The following BATF3 variants were observed in gnomAD, a reference collection of about 807,000 sequenced individuals.
The protein encoded by BATF3 is basic leucine zipper transcriptional factor ATF-like 3.
A neutral mutation model predicts 16.1 loss-of-function variants in BATF3; 8 were observed. The ratio of observed to expected loss-of-function variants is 0.50; its 90% confidence interval spans 0.29 to 0.90. BATF3 has a LOEUF of 0.90. Ranked by LOEUF, BATF3 falls within the 40% of genes least tolerant of loss-of-function variation. BATF3 has a pLI of 0.08. For missense variants in BATF3, 139 were observed against 167.0 expected, an observed-to-expected ratio of 0.83 and a Z score of 0.92; for synonymous variants, 74 against 72.7, an observed-to-expected ratio of 1.02 and a Z score of -0.09.
At chr1:212,692,776 C>T (rs1280974764) in intron 2 of BATF3, among the ~76,000 whole-genome samples, 5 of 152,174 alleles carry the variant, frequency 3.3e-5, no homozygotes, top group Non-Finnish European at 7.3e-5. Context: ...TCCAAATATC[C>T]CCCCTCAGGA....
At chr1:212,694,038 G>A (rs1455147741) in intron 2 of BATF3, among the ~76,000 whole-genome samples, 1 of 152,240 alleles carries the variant, frequency 6.6e-6, no homozygotes, top group African/African-American at 2.4e-5. Flanking sequence ...GTAAGTGAAA[G>A]AGGGTGTCGG....
intron 2 of BATF3, among the ~76,000 whole-genome samples, chr1:212,688,277 C>G (rs1407345521): frequency 3.3e-5 from 5 of 152,166 alleles, no homozygotes; most frequent in Non-Finnish European, 7.3e-5. Flanking sequence ...GGACCCTCAC[C>G]AACACACACT....
chr1:212,696,323 C>T (rs905998209), intron 2 of BATF3, among the ~76,000 whole-genome samples: 2 of 151,912 alleles, frequency 1.3e-5, no homozygotes, highest in Non-Finnish European at 2.9e-5. Flanking sequence ...TCCAAAGTGT[C>T]GAATGTTCTA....
chr1:212,696,925 T>C (rs1242180026), intron 2 of BATF3, 36 bp downstream of exon 2: 1 of 1,520,732 alleles, frequency 6.6e-7, no homozygotes, highest in African/African-American at 1.4e-5. Context: ...AGAGGCTGTG[T>C]GGCTCTAAGG....
Position 212,699,305 on chromosome 1 carries a change from G to A in BATF3, c.90+368C>T, listed in dbSNP as rs906670004. Among the ~76,000 whole-genome samples the A allele has an allele frequency of 6.6e-5, 10 of 152,166 alleles. No homozygotes were observed. In the South Asian group the frequency reaches 1.0e-3, roughly 16 times the overall value. On this transcript the variant is annotated intron_variant, in intron 1 of 2. Transcript: ENST00000243440. This position sits in a 1 kb window ranked among gnomAD's most constrained non-coding sequence, Gnocchi z 4.4. ...GGAGGGGCTACAGGCGCGGGTGGTG[G>A]GGTGGCAGTCGCTGGCTGCGCCAGG...
chr1:212,696,839 C>G, intron 2 of BATF3, 122 bp downstream of exon 2: 1 of 745,746 alleles, frequency 1.3e-6, no homozygotes, highest in South Asian at 1.7e-5. Flanking sequence ...CTGGAAGGAC[C>G]TGGCAGAAAT....
In BATF3 at chr1:212,689,122, A is replaced by G. The variant is rs1375064321; in HGVS notation, c.196-2143T>C. Among the ~76,000 whole-genome samples the G allele has an allele frequency of 6.6e-6, 1 of 152,084 alleles. No individual in the cohort carries two copies. The highest frequency in any genetic ancestry group is 1.5e-5 in the Non-Finnish European group (1 of 68,008). On this transcript the variant is annotated intron_variant, in intron 2 of 2. Transcript: ENST00000243440. This position sits in a 1 kb window ranked among gnomAD's most constrained non-coding sequence, Gnocchi z 4.6. ...TCTATTCTATTTTGTATCATATTCAATTTCACTCATATGAAGTAATGTCTC... is the reference window on the plus strand; with the variant it reads ...TCTATTCTATTTTGTATCATATTCAGTTTCACTCATATGAAGTAATGTCTC...
Position 212,699,302 on chromosome 1 carries a change from G to A in BATF3, c.90+371C>T, listed in dbSNP as rs1174840769. On this transcript the variant is annotated intron_variant, in intron 1 of 2. Coordinates refer to ENST00000243440, the MANE Select transcript of BATF3 (RefSeq NM_018664.3). This position sits in a 1 kb window ranked among gnomAD's most constrained non-coding sequence, Gnocchi z 4.4. The stretch of plus-strand genomic sequence containing the variant: ...CCTGGAGGGGCTACAGGCGCGGGTG[G>A]TGGGGTGGCAGTCGCTGGCTGCGCC... Among the ~76,000 whole-genome samples the A allele has an allele frequency of 4.6e-5, 7 of 152,134 alleles. No individual in the cohort carries two copies.
chr1:212,688,947 C>T (rs1277623660), intron 2 of BATF3, among the ~76,000 whole-genome samples: 1 of 152,154 alleles, frequency 6.6e-6, no homozygotes, highest in Non-Finnish European at 1.5e-5. Context: ...AAGACACATG[C>T]AAATTCTCAA....
At chr1:212,698,524 T>C (rs1329123548) in intron 1 of BATF3, 3 of 152,188 alleles carry the variant, frequency 2.0e-5, no homozygotes, top group Non-Finnish European at 4.4e-5. Flanking sequence ...AAATGAGATT[T>C]TGTCCTAAAG....
At chr1:212,694,678 C>G (rs3768546) in intron 2 of BATF3, among the ~76,000 whole-genome samples, 4,225 of 152,294 alleles carry the variant, frequency 0.028, 72 homozygotes, top group Non-Finnish European at 0.039. Flanking sequence ...AGCCACAGGT[C>G]CCCTCTGGGG....
At chr1:212,694,647 C>A (rs1044475747) in intron 2 of BATF3, among the ~76,000 whole-genome samples, 1 of 152,244 alleles carries the variant, frequency 6.6e-6, no homozygotes, top group Non-Finnish European at 1.5e-5. Flanking sequence ...GGTCTGAATA[C>A]AGGGCCATGC....
intron 2 of BATF3, among the ~76,000 whole-genome samples, chr1:212,691,634 C>G (rs1396867008): frequency 6.6e-6 from 1 of 152,240 alleles, no homozygotes; most frequent in Non-Finnish European, 1.5e-5. Context: ...CATGCAATAT[C>G]TGAAAAAACC....
Position 212,689,003 on chromosome 1 carries a change from C to G in BATF3, c.196-2024G>C, listed in dbSNP as rs982269085. Among the ~76,000 whole-genome samples, 4 of 152,196 alleles carry G rather than the reference C, an allele frequency of 2.6e-5. No homozygotes were observed. The highest frequency in any genetic ancestry group is 2.6e-4 in the Admixed American group (4 of 15,286). On this transcript the variant is annotated intron_variant, in intron 2 of 2. Coordinates refer to ENST00000243440, the MANE Select transcript of BATF3 (RefSeq NM_018664.3). This position sits in a 1 kb window ranked among gnomAD's most constrained non-coding sequence, Gnocchi z 4.6. ...AGTTATCCTCAACTGGACTGCCTTC[C>G]TCCTTTTCTGCATGGGTCCAGCTCA...
chr1:212,693,107 G>C lies in BATF3; in HGVS notation c.195+3854C>G, dbSNP rs73079842. Among the ~76,000 whole-genome samples the C allele has an allele frequency of 7.5e-3, 1,135 of 152,274 alleles. 11 individuals are homozygous for C. Among genetic ancestry groups the C allele is most frequent in the African/African-American group, 0.026 (1,085 of 41,538 alleles). On this transcript the variant is annotated intron_variant, in intron 2 of 2. Transcript: ENST00000243440. ...AAGGCGCTCTGTGCTCAACTCACTGGAGCTTGACAAAAGGGTTCTTTACAC... is the reference window on the plus strand; with the variant it reads ...AAGGCGCTCTGTGCTCAACTCACTGCAGCTTGACAAAAGGGTTCTTTACAC...
At chr1:212,698,234 T>A (rs549242198) in intron 1 of BATF3, 1 of 152,142 alleles carries the variant, frequency 6.6e-6, no homozygotes, top group Non-Finnish European at 1.5e-5. Flanking sequence ...CAGGGGAACA[T>A]GTGGTTAGAA....
Position 212,686,761 on chromosome 1 carries a change from T to C in BATF3, c.*30A>G, listed in dbSNP as rs1028030826. ...TCCCAGGTATGAAAATGACCAAGGC[T>C]CCTTGCTGGGCAGAGGAGTGTCCCC... On this transcript the variant is annotated 3_prime_UTR_variant, in exon 3 of 3. Coordinates refer to ENST00000243440, the MANE Select transcript of BATF3 (RefSeq NM_018664.3). The C allele has an allele frequency of 1.3e-6, 2 of 1,592,932 alleles. No homozygotes were observed. The highest frequency in any genetic ancestry group is 4.5e-5 in the East Asian group (2 of 44,414).
chr1:212,688,607 T>C (rs1340950761), intron 2 of BATF3, among the ~76,000 whole-genome samples: 2 of 152,244 alleles, frequency 1.3e-5, no homozygotes, highest in African/African-American at 4.8e-5. Context: ...CATCGTCTCA[T>C]GAATGGTGAC....
At position 212,699,746 on chromosome 1, in the gene BATF3, G is replaced by A. The variant is rs1208581084; in HGVS notation, c.17C>T (p.Pro6Leu). Residue 6 changes from proline to leucine, a missense_variant, in exon 1 of 3, where the codon CCG becomes CTG. Pro to Leu is a moderately conservative substitution (Grantham distance 98, BLOSUM62 -3). Coordinates refer to ENST00000243440, the MANE Select transcript of BATF3 (RefSeq NM_018664.3). The surrounding 1 kb of genome is among the most constrained non-coding windows in gnomAD (Gnocchi z 4.4). The stretch of plus-strand genomic sequence containing the variant: ...CCTCTGCAGGACGCTGCCGGCGGCC[G>A]GGAGCCCTTGCGACATGCCGGGCGC... The part of the protein sequence containing the change: MSQGL[P>L]AAGSVLQRSV... The A allele has an allele frequency of 3.9e-6, 5 of 1,294,118 alleles. No homozygotes were observed. Among genetic ancestry groups the A allele is most frequent in the African/African-American group, 1.5e-5 (1 of 64,782 alleles). 80.2% of individuals were successfully genotyped at this position (1,294,118 alleles called of 1,614,324 possible).
Sources: gnomAD v4.1 joint callset for allele counts (sites outside exome capture counted in the v4.1 genomes callset) on GRCh38, gnomAD v4.1.1 for gene constraint, Gnocchi (gnomAD v3.1) non-coding constraint, MANE v1.5 for transcripts, NCBI Gene and HGNC (gene_info 2026-07-23, HGNC 2026-07-21) for gene names.